RBFOX3: variants seen among roughly 807,000 people sequenced by gnomAD.
RBFOX3 encodes RNA binding protein fox-1 homolog 3.
In RBFOX3, 17 loss-of-function variants were observed where a neutral mutation model predicts 48.7. The ratio of observed to expected loss-of-function variants is 0.35; its 90% CI spans 0.24 to 0.52. RBFOX3 has a LOEUF of 0.52. RBFOX3 is among the 20% of genes least tolerant of loss of function. The pLI is 0.94. For synonymous variants in RBFOX3, 212 were observed against 209.5 expected (o/e 1.01, Z -0.10); for missense variants, 382 against 497.5 (o/e 0.77, Z 2.21).
chr17:79,473,652 C>T lies in RBFOX3; in HGVS notation c.-175+8802G>A, dbSNP rs931475223. Among the ~76,000 whole-genome samples, 1 of 152,218 alleles carries T rather than the reference C, an allele frequency of 6.6e-6. No homozygotes were observed. ...CATCCTGATGAACCCCCGCTGGTGA[C>T]GGCAGGTGGCCACACCCTGCAAGCT... On this transcript the variant is annotated intron_variant, in intron 2 of 14. Transcript: ENST00000693108. The surrounding 1 kb of genome is among the most constrained non-coding windows in gnomAD (Gnocchi z 4.2).
chr17:79,216,707 C>T (rs1457875137), intron 4 of RBFOX3, among the ~76,000 whole-genome samples: 1 of 152,170 alleles, frequency 6.6e-6, no homozygotes, highest in South Asian at 2.1e-4. Context: ...CAGCAAATAT[C>T]CCTGTCCTGC....
chr17:79,655,046 G>A, the RBFOX3 span, among the ~76,000 whole-genome samples: 4 of 152,158 alleles, frequency 2.6e-5, no homozygotes, highest in East Asian at 1.9e-4. Flanking sequence ...TTAGCTTCCC[G>A]ACGAGGCTGT....
chr17:79,257,579 T>C (rs954038076), intron 3 of RBFOX3, among the ~76,000 whole-genome samples: 2 of 152,066 alleles, frequency 1.3e-5, no homozygotes, highest in Non-Finnish European at 2.9e-5. Flanking sequence ...CACTGTTCTT[T>C]GCTTTTTTTT....
At chr17:79,584,403 G>A (rs1036763211) in intron 1 of RBFOX3, among the ~76,000 whole-genome samples, 138 of 152,266 alleles carry the variant, frequency 9.1e-4, no homozygotes, top group African/African-American at 3.2e-3. Context: ...CTACCCAGAG[G>A]AAAATAAGTC....
intron 8 of RBFOX3, among the ~76,000 whole-genome samples, chr17:79,102,955 C>T (rs2076720008): frequency 6.6e-6 from 1 of 151,272 alleles, no homozygotes. Context: ...GAGAGGGGAC[C>T]TCGGGTGAGC....
At chr17:79,614,289 T>G (rs1436366989), upstream of RBFOX3, among the ~76,000 whole-genome samples, 1 of 152,244 alleles carries the variant, frequency 6.6e-6, no homozygotes, top group Non-Finnish European at 1.5e-5. Flanking sequence ...AGGGGCGTCC[T>G]GCACGGAGAG....
At chr17:79,633,391 C>T in the RBFOX3 span, among the ~76,000 whole-genome samples, 95 of 152,362 alleles carry the variant, frequency 6.2e-4, 1 homozygote, top group African/African-American at 2.0e-3. Context: ...ACCCCCTCCC[C>T]GGGGCGGCAG....
At chr17:79,279,832 T>C (rs1178888546) in intron 3 of RBFOX3, among the ~76,000 whole-genome samples, 1 of 152,134 alleles carries the variant, frequency 6.6e-6, no homozygotes, top group East Asian at 1.9e-4. Context: ...TGTTTGTCAC[T>C]GAGAGGTTGG....
At chr17:79,516,009 C>G (rs2149926661) in intron 1 of RBFOX3, 2 of 152,382 alleles carry the variant, frequency 1.3e-5, no homozygotes, top group African/African-American at 4.8e-5. Flanking sequence ...GTCCAAGGCT[C>G]TGTGTGCCTA....
At chr17:79,487,913 G>GAAGAAAAAAAAAA (rs2079885669) in intron 1 of RBFOX3, among the ~76,000 whole-genome samples, 1 of 76,902 alleles carries the variant, frequency 1.3e-5, no homozygotes, top group African/African-American at 4.5e-5. Context: ...CCCCATCTCA[G>GAAGAAAAAAAAAA]AAAAAAAAAA....
chr17:79,169,232 G>C (rs2048641104), intron 4 of RBFOX3, among the ~76,000 whole-genome samples: 1 of 152,182 alleles, frequency 6.6e-6, no homozygotes. Flanking sequence ...CTTGGGCCCA[G>C]GGCAGTCAGC....
At chr17:79,295,717 C>G (rs1290968432) in intron 3 of RBFOX3, among the ~76,000 whole-genome samples, 1 of 152,216 alleles carries the variant, frequency 6.6e-6, no homozygotes, top group African/African-American at 2.4e-5. Flanking sequence ...CCCCCAGCAC[C>G]CTGTGTCCAT....
At chr17:79,415,584 T>A (rs978700990) in intron 2 of RBFOX3, among the ~76,000 whole-genome samples, 2 of 152,150 alleles carry the variant, frequency 1.3e-5, no homozygotes, top group African/African-American at 4.8e-5. Flanking sequence ...CCAAAGCCAC[T>A]CTGCCGGCTC....
At chr17:79,462,985 C>T (rs992900688) in intron 2 of RBFOX3, among the ~76,000 whole-genome samples, 17 of 150,896 alleles carry the variant, frequency 1.1e-4, no homozygotes, top group South Asian at 4.2e-4. Flanking sequence ...CCACCACCAT[C>T]GCCACTGCCA....
At chr17:79,659,140 C>T in the RBFOX3 span, among the ~76,000 whole-genome samples, 3 of 152,090 alleles carry the variant, frequency 2.0e-5, no homozygotes, top group East Asian at 1.9e-4. Context: ...GTGGACCACG[C>T]GGGGGCCCGT....
chr17:79,353,188 C>T (rs1363083987), intron 2 of RBFOX3, among the ~76,000 whole-genome samples: 2 of 152,216 alleles, frequency 1.3e-5, no homozygotes, highest in Non-Finnish European at 2.9e-5. Context: ...GAGCTGCTCA[C>T]CAGGGCCTCT....
intron 2 of RBFOX3, among the ~76,000 whole-genome samples, chr17:79,388,778 G>A (rs899981711): frequency 2.0e-5 from 3 of 152,158 alleles, no homozygotes; most frequent in African/African-American, 4.8e-5. Context: ...CGGTGCTGCC[G>A]GAGCCTCTCG....
intron 3 of RBFOX3, among the ~76,000 whole-genome samples, chr17:79,302,515 A>C (rs1256734413): frequency 6.6e-6 from 1 of 152,162 alleles, no homozygotes; most frequent in East Asian, 1.9e-4. Flanking sequence ...CCCCTTCTCT[A>C]CTAAAAATAC....
chr17:79,095,385 C>G (rs1203457682), intron 13 of RBFOX3, 128 bp downstream of exon 13: 1 of 788,176 alleles, frequency 1.3e-6, no homozygotes, highest in Non-Finnish European at 2.0e-6. Flanking sequence ...CTCCCCTGTC[C>G]CGACCCTACT....
Sources: gnomAD v4.1 joint callset for allele counts (sites outside exome capture counted in the v4.1 genomes callset) on GRCh38, gnomAD v4.1.1 for gene constraint, Gnocchi (gnomAD v3.1) non-coding constraint, MANE v1.5 for transcripts, NCBI Gene and HGNC (gene_info 2026-07-23, HGNC 2026-07-21) for gene names.